The following CLVS1 variants were observed in gnomAD, a reference collection of about 807,000 sequenced individuals.
CLVS1 encodes clavesin 1, also known as clavesin-1.
In CLVS1, 10 loss-of-function variants were observed where a neutral mutation model predicts 33.1. The observed-to-expected ratio is 0.30, with a 90% CI of 0.19 to 0.51. The LOEUF (loss-of-function observed/expected upper bound fraction) is 0.51. Among genes scored for constraint, CLVS1 ranks in the 20% least tolerant of loss-of-function variants. The probability of loss-of-function intolerance (pLI) is 0.97; values close to 1 mark genes in which losing one functional copy is unlikely to be tolerated. For missense variants in CLVS1, 343 were observed against 433.4 expected, an observed-to-expected ratio of 0.79 and a Z score of 1.85; for synonymous variants, 163 against 166.1, an observed-to-expected ratio of 0.98 and a Z score of 0.14.
At chr8:61,342,992 T>G (rs1294060464) in intron 2 of CLVS1, among the ~76,000 whole-genome samples, 2 of 152,212 alleles carry the variant, frequency 1.3e-5, no homozygotes, top group African/African-American at 4.8e-5. Context: ...AGTCTGAATT[T>G]TTTAAATGCC....
rs528422725 is a variant in CLVS1 at position 61,062,486 on chromosome 8, G to A, written c.-243+5256G>A. 5.3e-5 allele frequency among the ~76,000 whole-genome samples: 8 copies of A among 152,188 alleles called. No individual in the cohort carries two copies. The East Asian group carries it at 5.8e-4, about 11-fold the overall frequency. On this transcript the variant is annotated intron_variant, in intron 1 of 2. Transcript: ENST00000522621. ...ACAGTCAGTAGGAAGACCACCCTAC[G>A]TTCCTTAAAATAGGAAGATCCTCCA...
rs4033613 is a variant in CLVS1 at position 61,231,286 on chromosome 8, G to GCACACACACACACA, written c.-151-68383_-151-68370dup. ...CCCATGCATATAGGCACCTGTGCTT[G>GCACACACACACACA]CACACACACACACACACACACTCTA... On this transcript the variant is annotated intron_variant, in intron 2 of 2. Coordinates refer to the CLVS1 transcript ENST00000522621. 2.5e-3 allele frequency among the ~76,000 whole-genome samples: 382 copies of GCACACACACACACA among 150,076 alleles called. 1 individual carries two copies. Among genetic ancestry groups the GCACACACACACACA allele is most frequent in the African/African-American group, 7.7e-3 (312 of 40,490 alleles).
intron 2 of CLVS1, among the ~76,000 whole-genome samples, chr8:61,241,799 T>C (rs1808703600): frequency 6.6e-6 from 1 of 152,244 alleles, no homozygotes; most frequent in Non-Finnish European, 1.5e-5. Flanking sequence ...TTGGGAATTA[T>C]TTCAGTTCTT....
At chr8:61,355,762 C>T (rs1173194670) in intron 2 of CLVS1, among the ~76,000 whole-genome samples, 1 of 152,168 alleles carries the variant, frequency 6.6e-6, no homozygotes, top group Admixed American at 6.5e-5. Context: ...TTTATGGCTG[C>T]ATAGTATTCC....
At chr8:60,988,526 A>G in the CLVS1 span, among the ~76,000 whole-genome samples, 2 of 152,352 alleles carry the variant, frequency 1.3e-5, no homozygotes, top group South Asian at 2.1e-4. Flanking sequence ...CTGCTGAAAA[A>G]AAAAAGAGTT....
chr8:61,326,755 C>T (rs189096817), intron 2 of CLVS1, among the ~76,000 whole-genome samples: 3 of 152,066 alleles, frequency 2.0e-5, no homozygotes, highest in East Asian at 1.9e-4. Flanking sequence ...GTACTATAAT[C>T]GATATTTATT....
intron 2 of CLVS1, among the ~76,000 whole-genome samples, chr8:61,170,640 C>A (rs1806975088): frequency 6.6e-6 from 1 of 152,142 alleles, no homozygotes; most frequent in Non-Finnish European, 1.5e-5. Flanking sequence ...ATCCAAGCAT[C>A]CTCTCTGAGC....
the CLVS1 span, among the ~76,000 whole-genome samples, chr8:60,981,761 G>T: frequency 5.9e-5 from 9 of 152,230 alleles, no homozygotes; most frequent in Admixed American, 2.6e-4. Flanking sequence ...GCCAGGGTGG[G>T]TGTGGAGTCC....
intron 2 of CLVS1, among the ~76,000 whole-genome samples, chr8:61,230,375 G>A (rs564684971): frequency 6.6e-6 from 1 of 152,272 alleles, no homozygotes; most frequent in South Asian, 2.1e-4. Context: ...GAGATACTGG[G>A]CCCGTGACTA....
the CLVS1 span, among the ~76,000 whole-genome samples, chr8:61,017,727 G>A: frequency 4.6e-5 from 7 of 152,230 alleles, no homozygotes; most frequent in African/African-American, 1.7e-4. Context: ...TTAGAAGCAG[G>A]TGAGCATGCA....
At chr8:61,378,404 G>A (rs1240732937) in intron 3 of CLVS1, 4 of 152,128 alleles carry the variant, frequency 2.6e-5, no homozygotes, top group Non-Finnish European at 4.4e-5. Flanking sequence ...TAATCCATGC[G>A]AATGTGTTTT....
chr8:61,358,793 G>A (rs1183385290), intron 2 of CLVS1, among the ~76,000 whole-genome samples: 1 of 152,106 alleles, frequency 6.6e-6, no homozygotes, highest in Non-Finnish European at 1.5e-5. Flanking sequence ...GATACATCAG[G>A]CACATAGATT....
chr8:61,035,701 G>A, the CLVS1 span, among the ~76,000 whole-genome samples: 1 of 152,178 alleles, frequency 6.6e-6, no homozygotes, highest in African/African-American at 2.4e-5. Flanking sequence ...CTTCAGACTT[G>A]TTTAAAGAAG....
chr8:61,399,358 CTG>C (rs1022478368), intron 3 of CLVS1, among the ~76,000 whole-genome samples: 3 of 152,164 alleles, frequency 2.0e-5, no homozygotes, highest in Admixed American at 6.5e-5. Context: ...CATGTCTTCT[CTG>C]TGCATGTCCT....
Position 61,288,071 on chromosome 8 carries a change from A to G in CLVS1, c.-219A>G, listed in dbSNP as rs1406687147. Reference sequence around the variant, plus strand: ...CCTGCCAGAATAGGGGATCTCACCCACCCAGTTCAGCAGCGAGGACACCTG... The same window carrying G: ...CCTGCCAGAATAGGGGATCTCACCCGCCCAGTTCAGCAGCGAGGACACCTG... On this transcript the variant is annotated 5_prime_UTR_variant, in exon 1 of 6. Transcript: ENST00000325897. 2.2e-6 allele frequency: 1 copy of G among 456,078 alleles called. No homozygotes were observed. Among genetic ancestry groups the G allele is most frequent in the Non-Finnish European group, 4.4e-6 (1 of 226,860 alleles). The allele number at this position is 456,078 out of a possible 1,614,324, so 28.3% of individuals were successfully genotyped here. A position where few individuals can be genotyped will look rare whatever the true frequency, so the allele number is the denominator to read the frequency against.
chr8:61,388,982 C>T (rs2129602569), intron 3 of CLVS1, among the ~76,000 whole-genome samples: 1 of 152,230 alleles, frequency 6.6e-6, no homozygotes, highest in Middle Eastern at 3.4e-3. Context: ...TCTATGAGAT[C>T]AACGTTTTTA....
At chr8:61,457,635 T>C (rs541935994) in intron 4 of CLVS1, among the ~76,000 whole-genome samples, 5 of 152,160 alleles carry the variant, frequency 3.3e-5, no homozygotes, top group African/African-American at 1.2e-4. Flanking sequence ...TAAGAATTGA[T>C]TTTCTTCTAC....
At chr8:61,457,486 T>A (rs1817209946) in intron 4 of CLVS1, among the ~76,000 whole-genome samples, 1 of 152,030 alleles carries the variant, frequency 6.6e-6, no homozygotes, top group Admixed American at 6.6e-5. Context: ...TGTCTGGAAA[T>A]AATTGTAACT....
At chr8:61,232,268 C>T (rs1018710524) in intron 2 of CLVS1, among the ~76,000 whole-genome samples, 1 of 151,752 alleles carries the variant, frequency 6.6e-6, no homozygotes, top group Admixed American at 6.6e-5. Flanking sequence ...GATCTCCTGA[C>T]CTCGTGATCC....
Sources: gnomAD v4.1 joint callset for allele counts (sites outside exome capture counted in the v4.1 genomes callset) on GRCh38, gnomAD v4.1.1 for gene constraint, MANE v1.5 for transcripts, NCBI Gene and HGNC (gene_info 2026-07-23, HGNC 2026-07-21) for gene names.